TENM1: variants seen among roughly 807,000 people sequenced by gnomAD.
The protein encoded by TENM1 is teneurin-1.
Under a neutral mutation model 174.8 loss-of-function variants are expected in TENM1, and 35 were observed. The ratio of observed to expected loss-of-function variants is 0.20; its 90% confidence interval spans 0.15 to 0.27. The LOEUF is 0.27. Ranked by LOEUF, TENM1 falls within the 10% of genes least tolerant of loss-of-function variation. The pLI, the probability that TENM1 is intolerant of heterozygous loss-of-function variation, is 1.00. For missense variants in TENM1, 1,633 were observed against 2,130.1 expected (o/e 0.77, Z 4.59); for synonymous variants, 781 against 798.7 (o/e 0.98, Z 0.37).
chrX:124,615,296 A>G (rs1446504315), intron 11 of TENM1, among the ~76,000 whole-genome samples: 3 of 111,996 alleles, frequency 2.7e-5, no homozygotes, highest in Non-Finnish European at 5.6e-5. Context: ...ACATTTATTG[A>G]CACTCAAGCA....
chrX:124,583,794 T>A (rs2049402601), intron 11 of TENM1, among the ~76,000 whole-genome samples: 1 of 108,878 alleles, frequency 9.2e-6, no homozygotes, highest in African/African-American at 3.4e-5. Context: ...TTGAAAAAAA[T>A]TTAGAAGAAT....
intron 5 of TENM1, among the ~76,000 whole-genome samples, chrX:124,694,630 TA>T (rs776644908): frequency 2.9e-4 from 32 of 112,203 alleles, no homozygotes; most frequent in African/African-American, 9.1e-4. Flanking sequence ...CAGACACACA[TA>T]CCTGAACATT....
chrX:124,783,913 T>C (rs757156200), intron 3 of TENM1, among the ~76,000 whole-genome samples: 2 of 111,684 alleles, frequency 1.8e-5, no homozygotes, highest in African/African-American at 3.3e-5. Context: ...ATATTCTGTA[T>C]ATAAACTCTG....
At chrX:124,940,196 C>T (rs2147748513) in intron 1 of TENM1, among the ~76,000 whole-genome samples, 1 of 111,522 alleles carries the variant, frequency 9.0e-6, no homozygotes, top group Non-Finnish European at 1.9e-5. Flanking sequence ...CAGGAGTGGG[C>T]AACTGAACAA....
At position 124,788,954 on chromosome X, in the gene TENM1, C is replaced by A. The variant is rs2055110614; in HGVS notation, c.536-51757G>T. ...TGGGGCTTTGTCCCACATTTCCCTT[C>A]CACACTGCCCTAGCAGAGGTTCTCC... On this transcript the variant is annotated intron_variant, in intron 3 of 31. Coordinates refer to ENST00000422452, the Ensembl canonical transcript of TENM1. 4.4e-5 allele frequency among the ~76,000 whole-genome samples: 5 copies of A among 112,407 alleles called. No homozygotes were observed. In the South Asian group the frequency reaches 1.9e-3, roughly 42 times the overall value.
chrX:124,594,015 C>T (rs1310321738), intron 11 of TENM1, among the ~76,000 whole-genome samples: 1 of 112,460 alleles, frequency 8.9e-6, no homozygotes, highest in East Asian at 2.8e-4. Context: ...TTAAAAATGG[C>T]ATCTGGCTCT....
chrX:124,542,863 G>A (rs1294184218), intron 15 of TENM1, among the ~76,000 whole-genome samples: 1 of 111,850 alleles, frequency 8.9e-6, no homozygotes, highest in Non-Finnish European at 1.9e-5. Flanking sequence ...TTCCATTAAT[G>A]TGATTTCTAG....
At chrX:125,113,299 C>T in the TENM1 span, among the ~76,000 whole-genome samples, 2 of 110,805 alleles carry the variant, frequency 1.8e-5, no homozygotes, top group African/African-American at 3.3e-5. Flanking sequence ...GAAAATGCAG[C>T]GGAAAACTGT....
At chrX:125,194,279 C>T in the TENM1 span, among the ~76,000 whole-genome samples, 116 of 111,627 alleles carry the variant, frequency 1.0e-3, 1 homozygote, top group Middle Eastern at 4.7e-3. Context: ...TTCTTCCTCA[C>T]ACCCTAAATT....
At chrX:124,464,742 A>G (rs1370066966) in intron 22 of TENM1, among the ~76,000 whole-genome samples, 1 of 112,283 alleles carries the variant, frequency 8.9e-6, no homozygotes, top group Non-Finnish European at 1.9e-5. Context: ...CAGCGGAACA[A>G]AAAGCGAAAA....
chrX:124,469,010 CAT>C (rs2061270721), intron 22 of TENM1, among the ~76,000 whole-genome samples: 1 of 111,617 alleles, frequency 9.0e-6, no homozygotes, highest in African/African-American at 3.3e-5. Context: ...TATCATAGCA[CAT>C]GTCTTATGCA....
Position 124,572,176 on chromosome X carries a change from T to C in TENM1, c.2078-6616A>G, listed in dbSNP as rs1250339145. ...AAATATCTGGTAATCAAACCAAAAA[T>C]GCACACACATACACACACACATGCG... is the stretch of plus-strand genomic sequence containing the variant. On this transcript the variant is annotated intron_variant, in intron 11 of 31. Transcript: ENST00000422452. Among the ~76,000 whole-genome samples the C allele has an allele frequency of 3.6e-5, 4 of 110,736 alleles. No individual in the cohort carries two copies. In the East Asian group the frequency reaches 1.1e-3, roughly 31 times the overall value.
chrX:124,574,666 G>A (rs901357080), intron 11 of TENM1, among the ~76,000 whole-genome samples: 5 of 100,181 alleles, frequency 5.0e-5, no homozygotes, highest in Non-Finnish European at 2.0e-5. Context: ...ATTTTTGTTG[G>A]GGAAACTAAA....
intron 20 of TENM1, among the ~76,000 whole-genome samples, chrX:124,490,413 A>C (rs1259111605): frequency 9.0e-6 from 1 of 111,616 alleles, no homozygotes. Flanking sequence ...CTCCATTTCC[A>C]TTTGTTCCTT....
the TENM1 span, among the ~76,000 whole-genome samples, chrX:125,180,400 G>C: frequency 9.9e-6 from 1 of 100,857 alleles, no homozygotes; most frequent in South Asian, 4.9e-4. Flanking sequence ...GTTCCACCAG[G>C]TGTGGTGGGT....
intron 5 of TENM1, among the ~76,000 whole-genome samples, chrX:124,695,562 G>T (rs2052628606): frequency 9.0e-6 from 1 of 111,349 alleles, no homozygotes; most frequent in South Asian, 3.8e-4. Context: ...TACTGAGGCA[G>T]TCAGTGAGTA....
intron 3 of TENM1, among the ~76,000 whole-genome samples, chrX:124,811,470 C>G (rs766627011): frequency 2.8e-4 from 31 of 111,340 alleles, no homozygotes; most frequent in Non-Finnish European, 5.3e-4. Context: ...GAGATATCAC[C>G]TCACTCCTGT....
intron 3 of TENM1, among the ~76,000 whole-genome samples, chrX:124,879,769 T>C (rs1165155805): frequency 8.9e-6 from 1 of 112,464 alleles, no homozygotes; most frequent in Non-Finnish European, 1.9e-5. Context: ...CTCCTCGACC[T>C]TGTCAGCATC....
At chrX:124,443,959 T>C (rs945917879) in intron 23 of TENM1, among the ~76,000 whole-genome samples, 2 of 112,340 alleles carry the variant, frequency 1.8e-5, no homozygotes, top group Admixed American at 1.9e-4. Context: ...TTACACATGA[T>C]ACACCTTGAT....
Sources: gnomAD v4.1 joint callset for allele counts (sites outside exome capture counted in the v4.1 genomes callset) on GRCh38, gnomAD v4.1.1 for gene constraint, MANE v1.5 for transcripts, NCBI Gene and HGNC (gene_info 2026-07-23, HGNC 2026-07-21) for gene names.